The following SIGLEC10 variants were observed in gnomAD, a reference collection of about 807,000 sequenced individuals.
SIGLEC10 encodes sialic acid-binding Ig-like lectin 10.
A neutral mutation model predicts 68.3 loss-of-function variants in SIGLEC10; 45 were observed. The observed-to-expected ratio is 0.66, with a 90% confidence interval of 0.52 to 0.84. The LOEUF (loss-of-function observed/expected upper bound fraction) is 0.84. Ranked by LOEUF, SIGLEC10 falls within the 40% of genes least tolerant of loss-of-function variation. The pLI is 0.00. For synonymous variants in SIGLEC10, 379 were observed against 370.8 expected (o/e 1.02, Z -0.26); for missense variants, 789 against 883.1 (o/e 0.89, Z 1.35).
At chr19:51,412,431 G>C (rs1988102423) in intron 10 of SIGLEC10, among the ~76,000 whole-genome samples, 1 of 151,978 alleles carries the variant, frequency 6.6e-6, no homozygotes, top group Non-Finnish European at 1.5e-5. Flanking sequence ...GGGAAAATGT[G>C]GTGTTATTTG....
In SIGLEC10 at chr19:51,414,599, G is replaced by A. The variant is rs1340683952; in HGVS notation, c.1616-84C>T. The A allele has an allele frequency of 2.8e-5, 40 of 1,444,382 alleles. No individual in the cohort carries two copies. Among genetic ancestry groups the A allele is most frequent in the East Asian group, 9.3e-5 (4 of 43,060 alleles). The allele number at this position is 1,444,382 out of a possible 1,614,324, so 89.5% of individuals were successfully genotyped here. On this transcript the variant is annotated intron_variant, in intron 8 of 10. Coordinates refer to ENST00000339313, the MANE Select transcript of SIGLEC10 (RefSeq NM_033130.5). This position sits in a 1 kb window ranked among gnomAD's most constrained non-coding sequence, Gnocchi z 4.1. ...CTCATCACTCGGCATTAAGGCTTCC[G>A]GTTCCCATGGCGGACATTGTATCTG...
Position 51,414,494 on chromosome 19 carries a change from G to A in SIGLEC10, c.1637C>T (p.Thr546Met), listed in dbSNP as rs139586458. The change falls in exon 9 of 11, where the codon ACG becomes ATG. Residue 546 changes from threonine to methionine, a missense_variant. Transcript: ENST00000339313. This position sits in a 1 kb window ranked among gnomAD's most constrained non-coding sequence, Gnocchi z 4.1. ...QLPDKKGLIS[T>M]AFSNGAFLGI... ...CAGAAACGCTCCGTTGGAGAATGCCGTTGAGATGAGTCCCTTCTTATCTGC... is the reference window on the plus strand; with the variant it reads ...CAGAAACGCTCCGTTGGAGAATGCCATTGAGATGAGTCCCTTCTTATCTGC... 4.0e-5 allele frequency: 64 copies of A among 1,613,902 alleles called. No homozygotes were observed. The highest frequency in any genetic ancestry group is 3.3e-4 in the Middle Eastern group (2 of 6,062).
chr19:51,416,497 A>G, intron 3 of SIGLEC10, 140 bp from the exon 4 acceptor site: 1 of 1,588,688 alleles, frequency 6.3e-7, no homozygotes, highest in Non-Finnish European at 8.6e-7. Context: ...TGTGTGGACC[A>G]GACGCCATTC....
chr19:51,417,106 C>A lies in SIGLEC10; in HGVS notation c.397G>T (p.Asp133Tyr), dbSNP rs747638044. ...GSYVRYNFMN[D>Y]GFFLKVTALT... is the part of the protein sequence containing the mutation. Reference sequence around the variant, plus strand: ...CCTGTTACTTTTAGAAAGAACCCATCGTTCATGAAATTATATCTCACATAG... The same window carrying A: ...CCTGTTACTTTTAGAAAGAACCCATAGTTCATGAAATTATATCTCACATAG... Residue 133 changes from aspartate (D) to tyrosine (Y), a missense_variant, in exon 2 of 11, where the codon GAT becomes TAT. Physicochemically the swap from Asp to Tyr is radical, Grantham distance 160. Transcript: ENST00000339313. 6.2e-7 allele frequency: 1 copy of A among 1,614,152 alleles called. No individual in the cohort carries two copies. Among genetic ancestry groups the A allele is most frequent in the Non-Finnish European group, 8.5e-7 (1 of 1,180,004 alleles).
Position 51,410,099 on chromosome 19 carries a change from T to A in SIGLEC10, c.*1000A>T, listed in dbSNP as rs903530268. ...CATAGACAAGAGCAGCGCCTAGAGC[T>A]GCTGGTTGCCCACTTTTATGGTTAT... On this transcript the variant is annotated 3_prime_UTR_variant, in exon 11 of 11. Transcript: ENST00000339313. 2 of 152,248 alleles carry A rather than the reference T, an allele frequency of 1.3e-5. No individual in the cohort carries two copies. The highest frequency in any genetic ancestry group is 2.9e-5 in the Non-Finnish European group (2 of 68,048). The allele number at this position is 152,248 out of a possible 1,614,324, so 9.4% of individuals were successfully genotyped here. A position where few individuals can be genotyped will look rare whatever the true frequency, so the allele number is the denominator to read the frequency against.
At chr19:51,412,306 G>A (rs1988095015) in intron 10 of SIGLEC10, among the ~76,000 whole-genome samples, 1 of 151,988 alleles carries the variant, frequency 6.6e-6, no homozygotes, top group African/African-American at 2.4e-5. Flanking sequence ...AGTAGTGAGG[G>A]AAGAGTAGGG....
chr19:51,412,114 C>G (rs1988069572), intron 10 of SIGLEC10, among the ~76,000 whole-genome samples: 1 of 151,684 alleles, frequency 6.6e-6, no homozygotes, highest in Admixed American at 6.6e-5. Flanking sequence ...TGCACTCCAG[C>G]CTAGACAACA....
Position 51,415,169 on chromosome 19 carries a change from T to C in SIGLEC10, c.1330+12A>G, listed in dbSNP as rs1988468274. 6.3e-7 allele frequency: 1 copy of C among 1,592,316 alleles called. No individual in the cohort carries two copies. The highest frequency in any genetic ancestry group is 2.2e-5 in the East Asian group (1 of 44,748). On this transcript the variant is annotated intron_variant, in intron 7 of 10. Transcript: ENST00000339313. ...CTTCCTGGGACCCAGGTGTCCCCTT[T>C]CCCCCACTCACAGTGCACGGAGAGG...
chr19:51,416,889 C>A lies in SIGLEC10; in HGVS notation c.483G>T (p.Thr161=), dbSNP rs200977765. 1.7e-5 allele frequency: 27 copies of A among 1,613,948 alleles called. No homozygotes were observed. The highest frequency in any genetic ancestry group is 2.0e-5 in the Non-Finnish European group (24 of 1,180,012). ...AGGCCCAGTTAAACACACAGATGAC[C>A]GTCACCGGCTGCCCGGGCTCCAGGG... ...PETLEPGQPV[T]VICVFNWAFE... is the part of the protein sequence containing the mutation. The change falls in exon 3 of 11, where the codon ACG becomes ACT. Residue 161 remains threonine (T), a synonymous_variant. Transcript: ENST00000339313.
Position 51,414,963 on chromosome 19 carries a change from G to T in SIGLEC10, c.1476C>A (p.Phe492Leu). The change falls in exon 8 of 11, where the codon TTC becomes TTA. Residue 492 changes from phenylalanine to leucine, a missense_variant. Physicochemically the swap from Phe to Leu is conservative, Grantham distance 22. Coordinates refer to ENST00000339313, the MANE Select transcript of SIGLEC10 (RefSeq NM_033130.5). This position sits in a 1 kb window ranked among gnomAD's most constrained non-coding sequence, Gnocchi z 4.1. The stretch of plus-strand genomic sequence containing the variant: ...GCCCGGCTGAGCTGGGGGTGACCTC[G>T]AAGGAGTCCTGGCTGCTGTTCCCCT... ...LLEGNSSQDS[F>L]EVTPSSAGPW... The T allele has an allele frequency of 6.2e-7, 1 of 1,613,768 alleles. No individual in the cohort carries two copies. Among genetic ancestry groups the T allele is most frequent in the Non-Finnish European group, 8.5e-7 (1 of 1,179,892 alleles).
intron 5 of SIGLEC10, 73 bp downstream of exon 5, chr19:51,415,825 T>G: frequency 1.2e-6 from 2 of 1,601,400 alleles, no homozygotes; most frequent in Non-Finnish European, 1.7e-6. Context: ...CCCTCAGCTC[T>G]GGGACCCTGA....
chr19:51,415,711 G>A (rs1366781741), intron 5 of SIGLEC10, 96 bp from the exon 6 acceptor site: 4 of 1,600,022 alleles, frequency 2.5e-6, no homozygotes, highest in Non-Finnish European at 1.7e-6. Context: ...GAAGTGGGTG[G>A]GATAGAAGGG....
chr19:51,415,858 C>G, intron 5 of SIGLEC10, 40 bp downstream of exon 5: 1 of 1,611,054 alleles, frequency 6.2e-7, no homozygotes, highest in South Asian at 1.1e-5. Context: ...TATCCCTCTG[C>G]CCTCCCAATG....
At chr19:51,413,632 A>G (rs1988212408) in intron 10 of SIGLEC10, 80 bp downstream of exon 10, 2 of 1,261,772 alleles carry the variant, frequency 1.6e-6, no homozygotes, top group Admixed American at 1.8e-5. Flanking sequence ...GATGTCGCTA[A>G]GACAAGGGGT....
chr19:51,411,405 T>C (rs753621360), intron 10 of SIGLEC10, 34 bp from the exon 11 acceptor site: 26 of 1,610,158 alleles, frequency 1.6e-5, no homozygotes, highest in Non-Finnish European at 2.1e-5. Flanking sequence ...CATTCATTCA[T>C]TCAGCAAATA....
rs1412249338 is a variant in SIGLEC10, at chr19:51,414,220, C to T, written c.1709+202G>A. On this transcript the variant is annotated intron_variant, in intron 9 of 10. Coordinates refer to ENST00000339313, the MANE Select transcript of SIGLEC10 (RefSeq NM_033130.5). The surrounding 1 kb of genome is among the most constrained non-coding windows in gnomAD (Gnocchi z 4.1). ...AAGAAACACTTCGCTTGGGGCGTGA[C>T]TGCCCTCAGCATTCCCTCTGGGAAG... is the stretch of plus-strand genomic sequence containing the variant. 1 of 597,580 alleles carries T rather than the reference C, an allele frequency of 1.7e-6. No individual in the cohort carries two copies. The highest frequency in any genetic ancestry group is 3.0e-6 in the Non-Finnish European group (1 of 335,960). 37.0% of individuals were successfully genotyped at this position (597,580 alleles called of 1,614,324 possible).
chr19:51,414,664 C>A lies in SIGLEC10; in HGVS notation c.1616-149G>T. The A allele has an allele frequency of 7.3e-7, 1 of 1,377,258 alleles. No homozygotes were observed. Among genetic ancestry groups the A allele is most frequent in the South Asian group, 1.2e-5 (1 of 82,478 alleles). The allele number at this position is 1,377,258 out of a possible 1,614,324, so 85.3% of individuals were successfully genotyped here. On this transcript the variant is annotated intron_variant, in intron 8 of 10. Coordinates refer to ENST00000339313, the MANE Select transcript of SIGLEC10 (RefSeq NM_033130.5). This position sits in a 1 kb window ranked among gnomAD's most constrained non-coding sequence, Gnocchi z 4.1. Reference sequence around the variant, plus strand: ...ACTTTTAGGAAACCCTGCCACACCCCGGCCCAGGTGTTAGGACTTCCCATT... The same window carrying A: ...ACTTTTAGGAAACCCTGCCACACCCAGGCCCAGGTGTTAGGACTTCCCATT...
rs1988777433 is a variant in SIGLEC10, at chr19:51,417,163, A to C, written c.340T>G (p.Ser114Ala). ...VIRDAQMQDE[S>A]QYFFRVERGS... ...CTCTCCACCCGAAAGAAGTACTGTG[A>C]CTCATCCTGCATCTGCGCGTCTCTG... Residue 114 changes from serine to alanine, a missense_variant, in exon 2 of 11, where the codon TCA becomes GCA. Transcript: ENST00000339313. 1.2e-6 allele frequency: 2 copies of C among 1,613,888 alleles called. No homozygotes were observed. The highest frequency in any genetic ancestry group is 1.7e-6 in the Non-Finnish European group (2 of 1,179,980).
At chr19:51,416,393 C>G in intron 3 of SIGLEC10, 36 bp from the exon 4 acceptor site, 1 of 1,613,946 alleles carries the variant, frequency 6.2e-7, no homozygotes, top group Non-Finnish European at 8.5e-7. Context: ...CAGGGAGGGA[C>G]AATTTATTCC....
Sources: gnomAD v4.1 joint callset for allele counts (sites outside exome capture counted in the v4.1 genomes callset) on GRCh38, gnomAD v4.1.1 for gene constraint, Gnocchi (gnomAD v3.1) non-coding constraint, MANE v1.5 for transcripts, NCBI Gene and HGNC (gene_info 2026-07-23, HGNC 2026-07-21) for gene names.